The following SCHIP1 variants were observed in gnomAD, a reference collection of about 807,000 sequenced individuals.
SCHIP1 encodes schwannomin interacting protein 1.
A neutral mutation model predicts 29.7 loss-of-function variants in SCHIP1; 8 were observed. The ratio of observed to expected loss-of-function variants is 0.27; its 90% confidence interval spans 0.16 to 0.49. SCHIP1 has a LOEUF of 0.49. Ranked by LOEUF, SCHIP1 falls within the 20% of genes least tolerant of loss-of-function variation. SCHIP1 has a pLI of 0.99. For missense variants in SCHIP1, 193 were observed against 294.6 expected, an observed-to-expected ratio of 0.66 and a Z score of 2.52; for synonymous variants, 76 against 94.9, an observed-to-expected ratio of 0.80 and a Z score of 1.16.
the SCHIP1 span, among the ~76,000 whole-genome samples, chr3:159,510,444 G>T: frequency 7.9e-5 from 12 of 152,222 alleles, no homozygotes; most frequent in Middle Eastern, 3.4e-3. Context: ...AAGTTTGATA[G>T]TCTGAAGCCT....
chr3:159,828,829 G>A, the SCHIP1 span, among the ~76,000 whole-genome samples: 6 of 152,186 alleles, frequency 3.9e-5, no homozygotes, highest in South Asian at 1.2e-3. Flanking sequence ...AATGATAAAG[G>A]GGAAGCATGA....
At chr3:159,426,297 A>G in the SCHIP1 span, among the ~76,000 whole-genome samples, 2 of 152,220 alleles carry the variant, frequency 1.3e-5, no homozygotes, top group African/African-American at 4.8e-5. Context: ...CAAGACTAAT[A>G]AAGAAAAAAA....
At chr3:159,682,835 A>G in the SCHIP1 span, among the ~76,000 whole-genome samples, 1 of 152,190 alleles carries the variant, frequency 6.6e-6, no homozygotes, top group African/African-American at 2.4e-5. Flanking sequence ...CCTTCAATGT[A>G]ATGTAGTGTT....
the SCHIP1 span, among the ~76,000 whole-genome samples, chr3:159,679,487 T>G: frequency 5.3e-5 from 8 of 152,200 alleles, no homozygotes; most frequent in Admixed American, 5.2e-4. Context: ...CTAGCTAATT[T>G]CAGCAGGACA....
At chr3:159,468,751 A>AAT in the SCHIP1 span, among the ~76,000 whole-genome samples, 1 of 119,230 alleles carries the variant, frequency 8.4e-6, no homozygotes, top group South Asian at 2.6e-4. Context: ...TATAATATAT[A>AAT]ATATAATATA....
chr3:159,753,907 C>T, the SCHIP1 span, among the ~76,000 whole-genome samples: 2 of 152,214 alleles, frequency 1.3e-5, no homozygotes, highest in Admixed American at 1.3e-4. Flanking sequence ...CCTCCCTCTT[C>T]AGCTGCTCAA....
chr3:159,731,112 G>T, the SCHIP1 span, among the ~76,000 whole-genome samples: 6 of 152,176 alleles, frequency 3.9e-5, no homozygotes, highest in Non-Finnish European at 7.3e-5. Context: ...TGGATATTAG[G>T]CATAGTAAGC....
the SCHIP1 span, among the ~76,000 whole-genome samples, chr3:159,450,322 A>G: frequency 6.6e-6 from 1 of 152,242 alleles, no homozygotes; most frequent in African/African-American, 2.4e-5. Context: ...TTGCCTGCTT[A>G]TAAGTGTCAA....
At chr3:159,555,299 C>A in the SCHIP1 span, among the ~76,000 whole-genome samples, 1 of 152,152 alleles carries the variant, frequency 6.6e-6, no homozygotes, top group African/African-American at 2.4e-5. Context: ...GAAACTCCCA[C>A]TGAGAATTAA....
chr3:159,886,032 T>C (rs1481482015), intron 2 of SCHIP1, among the ~76,000 whole-genome samples, 175 bp from the exon 4 acceptor site: 1 of 152,214 alleles, frequency 6.6e-6, no homozygotes, highest in African/African-American at 2.4e-5. Flanking sequence ...TCACAGAACA[T>C]TGGAAAATCC....
the SCHIP1 span, among the ~76,000 whole-genome samples, chr3:159,296,788 A>T: frequency 3.3e-5 from 5 of 152,280 alleles, 1 homozygote; most frequent in South Asian, 1.0e-3. Context: ...AGAAAAAAAA[A>T]AAATCTGTTC....
At chr3:159,725,289 A>G in the SCHIP1 span, among the ~76,000 whole-genome samples, 7 of 147,538 alleles carry the variant, frequency 4.7e-5, no homozygotes, top group East Asian at 2.0e-4. Flanking sequence ...TTTTTTTTTA[A>G]GACAGAATCT....
chr3:159,893,363 A>G (rs946692485), intron 6 of SCHIP1: 1 of 152,194 alleles, frequency 6.6e-6, no homozygotes, highest in Non-Finnish European at 1.5e-5. Context: ...ATAACACTCA[A>G]ATAATATTAT....
intron 6 of SCHIP1, chr3:159,894,516 A>G (rs909470298): frequency 3.9e-5 from 6 of 152,146 alleles, no homozygotes; most frequent in African/African-American, 1.4e-4. Flanking sequence ...CCTTCTCCTC[A>G]GTGTTCCTAA....
the SCHIP1 span, among the ~76,000 whole-genome samples, chr3:159,537,313 G>A: frequency 6.6e-6 from 1 of 152,078 alleles, no homozygotes; most frequent in East Asian, 1.9e-4. Flanking sequence ...TGGCTCTGTG[G>A]GTTTTCTACC....
chr3:159,346,428 T>A, the SCHIP1 span, among the ~76,000 whole-genome samples: 1 of 152,132 alleles, frequency 6.6e-6, no homozygotes, highest in Non-Finnish European at 1.5e-5. Flanking sequence ...ATCCCATTTC[T>A]GGTTCATATG....
the SCHIP1 span, among the ~76,000 whole-genome samples, chr3:159,316,593 C>T: frequency 1.3e-5 from 2 of 152,276 alleles, no homozygotes; most frequent in South Asian, 4.1e-4. Context: ...CAAGTCCATC[C>T]CTTGTCAACT....
the SCHIP1 span, among the ~76,000 whole-genome samples, chr3:159,396,516 G>A: frequency 6.8e-6 from 1 of 147,104 alleles, no homozygotes; most frequent in African/African-American, 2.5e-5. Flanking sequence ...GGCAGGCCTG[G>A]TGGTGACAAA....
At chr3:159,328,010 C>T in the SCHIP1 span, among the ~76,000 whole-genome samples, 362 of 152,292 alleles carry the variant, frequency 2.4e-3, 1 homozygote, top group African/African-American at 8.0e-3. Context: ...TAAATGAGTT[C>T]TGTCCAATTC....
Sources: gnomAD v4.1 joint callset for allele counts (sites outside exome capture counted in the v4.1 genomes callset) on GRCh38, gnomAD v4.1.1 for gene constraint, MANE v1.5 for transcripts, NCBI Gene and HGNC (gene_info 2026-07-23, HGNC 2026-07-21) for gene names.